The following SLC12A5 variants were observed in gnomAD, a reference collection of about 807,000 sequenced individuals.
The protein encoded by SLC12A5 is solute carrier family 12 member 5, also known as K-Cl cotransporter 2.
In SLC12A5, 18 loss-of-function variants were observed where a neutral mutation model predicts 124.0. The ratio of observed to expected loss-of-function variants is 0.15; its 90% CI spans 0.10 to 0.22. The LOEUF (loss-of-function observed/expected upper bound fraction) is 0.22. Ranked by LOEUF, SLC12A5 falls within the 10% of genes least tolerant of loss-of-function variation. The pLI is 1.00. For missense variants in SLC12A5, 867 were observed against 1,478.7 expected (o/e 0.59, Z 6.78); for synonymous variants, 589 against 568.0 (o/e 1.04, Z -0.53).
intron 17 of SLC12A5, among the ~76,000 whole-genome samples, chr20:46,051,060 G>A (rs1194610111): frequency 6.6e-6 from 1 of 152,198 alleles, no homozygotes; most frequent in African/African-American, 2.4e-5. Flanking sequence ...TGGTGGTTAA[G>A]AGTGTGGGGG....
chr20:46,041,237 C>T, intron 7 of SLC12A5, 92 bp from the exon 8 acceptor site: 1 of 1,052,402 alleles, frequency 9.5e-7, no homozygotes, highest in Non-Finnish European at 1.4e-6. Flanking sequence ...GACCTGGCGT[C>T]CGTGTGTTTA....
chr20:46,053,751 C>T lies in SLC12A5; in HGVS notation c.2679+42C>T, dbSNP rs1273221818. ...CACCGCTGGGGTTCCACCTGGCCCT[C>T]TTTCCTCTTGGCCCCAGCACCAAGT... On this transcript the variant is annotated intron_variant, in intron 20 of 25. Transcript: ENST00000243964. This position sits in a 1 kb window ranked among gnomAD's most constrained non-coding sequence, Gnocchi z 4.7. 2 of 1,524,272 alleles carry T rather than the reference C, an allele frequency of 1.3e-6. No homozygotes were observed. Among genetic ancestry groups the T allele is most frequent in the Non-Finnish European group, 1.8e-6 (2 of 1,132,454 alleles). The allele number at this position is 1,524,272 out of a possible 1,614,324, so 94.4% of individuals were successfully genotyped here.
At position 46,032,060 on chromosome 20, in the gene SLC12A5, T is replaced by C. The variant is rs3859613; in HGVS notation, c.52+2664T>C. Among the ~76,000 whole-genome samples the C allele has an allele frequency of 5.3e-5, 8 of 152,114 alleles. No homozygotes were observed. In the South Asian group the frequency reaches 1.4e-3, roughly 28 times the overall value. ...CTACTGGAAAGGCGGGACCCAGAAC[T>C]AGCCTACCTAGCCGCCCTCTCCCCT... is the stretch of plus-strand genomic sequence containing the variant. On this transcript the variant is annotated intron_variant, in intron 1 of 25. Coordinates refer to ENST00000243964, the MANE Select transcript of SLC12A5 (RefSeq NM_020708.5).
At chr20:46,028,689 C>T (rs2084418525), upstream of SLC12A5, among the ~76,000 whole-genome samples, 1 of 152,146 alleles carries the variant, frequency 6.6e-6, no homozygotes, top group Admixed American at 6.5e-5. Flanking sequence ...GTTCTCCTCC[C>T]CCACTTCAGG....
rs779096129 is a variant in SLC12A5 at position 46,051,832 on chromosome 20, G to T, written c.2339G>T (p.Arg780Leu). 9 of 1,547,542 alleles carry T rather than the reference G, an allele frequency of 5.8e-6. No homozygotes were observed. The highest frequency in any genetic ancestry group is 3.4e-5 in the South Asian group (3 of 87,166). ...CTTGTTGGCTGGCCCCGCAACTGGCGCCAGAAGGAAGATCATCAGACGTGG... is the reference window on the plus strand; with the variant it reads ...CTTGTTGGCTGGCCCCGCAACTGGCTCCAGAAGGAAGATCATCAGACGTGG... ...TVLVGWPRNWRQKEDHQTWRN... is the reference protein window; with the variant it reads ...TVLVGWPRNWLQKEDHQTWRN... Residue 780 changes from arginine to leucine, a missense_variant, in exon 18 of 26, where the codon CGC becomes CTC. Coordinates refer to ENST00000243964, the MANE Select transcript of SLC12A5 (RefSeq NM_020708.5).
At position 46,056,699 on chromosome 20, in the gene SLC12A5, C is replaced by T. The variant is rs138012632; in HGVS notation, c.3110+135C>T. ...AGCTCAGACATTGTCTTGGTTTCTC[C>T]ATCTGAGGACTTAGGGGGTTGGGCC... On this transcript the variant is annotated intron_variant, in intron 23 of 25. Coordinates refer to ENST00000243964, the MANE Select transcript of SLC12A5 (RefSeq NM_020708.5). This position sits in a 1 kb window ranked among gnomAD's most constrained non-coding sequence, Gnocchi z 4.3. 6.1e-6 allele frequency: 7 copies of T among 1,146,474 alleles called. No homozygotes were observed. Among genetic ancestry groups the T allele is most frequent in the East Asian group, 2.5e-5 (1 of 40,510 alleles). The allele number at this position is 1,146,474 out of a possible 1,614,324, so 71.0% of individuals were successfully genotyped here.
At chr20:46,035,682 G>A (rs2084491959) in intron 3 of SLC12A5, 95 bp from the exon 4 acceptor site, 2 of 1,510,704 alleles carry the variant, frequency 1.3e-6, no homozygotes, top group Non-Finnish European at 1.8e-6. Flanking sequence ...ATAGAGAGAA[G>A]AGGAAGGTGG....
rs766589514 is a variant in SLC12A5 at position 46,049,626 on chromosome 20, C to G, written c.2017C>G (p.Gln673Glu). ...GPPHTKNWRP[Q>E]LLVLVRVDQD... ...GTGACTCTGCACACTCTTCAGGCCA[C>G]AGCTGCTGGTGCTGGTGCGTGTGGA... Residue 673 changes from glutamine to glutamate, a missense_variant, in exon 17 of 26, where the codon CAG becomes GAG. Physicochemically the swap from Gln to Glu is conservative, Grantham distance 29. Coordinates refer to ENST00000243964, the MANE Select transcript of SLC12A5 (RefSeq NM_020708.5). 5.6e-6 allele frequency: 9 copies of G among 1,601,492 alleles called. No homozygotes were observed. The highest frequency in any genetic ancestry group is 6.8e-6 in the Non-Finnish European group (8 of 1,174,216).
chr20:46,042,351 A>AGAGAG (rs887953733), intron 8 of SLC12A5, among the ~76,000 whole-genome samples: 1 of 152,114 alleles, frequency 6.6e-6, no homozygotes, highest in African/African-American at 2.4e-5. Context: ...GGGTGAGAGG[A>AGAGAG]GAGAGGCAGG....
At position 46,058,572 on chromosome 20, in the gene SLC12A5, C is replaced by T; in HGVS notation, c.*967C>T. 2.5e-6 allele frequency: 1 copy of T among 399,190 alleles called. No homozygotes were observed. The highest frequency in any genetic ancestry group is 4.4e-6 in the Non-Finnish European group (1 of 226,196). 24.7% of individuals were successfully genotyped at this position (399,190 alleles called of 1,614,324 possible). The stretch of plus-strand genomic sequence containing the variant: ...CTCAAGAGGAAGAAACCGAGAGGCC[C>T]GCGCCCCACCGAGGAAGCCCCGCCC... On this transcript the variant is annotated 3_prime_UTR_variant, in exon 26 of 26. Coordinates refer to ENST00000243964, the MANE Select transcript of SLC12A5 (RefSeq NM_020708.5). This position sits in a 1 kb window ranked among gnomAD's most constrained non-coding sequence, Gnocchi z 5.8.
intron 1 of SLC12A5, chr20:46,022,097 G>A: frequency 1.8e-6 from 1 of 553,666 alleles, no homozygotes; most frequent in South Asian, 3.2e-5. Flanking sequence ...CCAAACGCGA[G>A]GTGGGCGTGG....
chr20:46,052,669 G>T (rs1343994706), intron 18 of SLC12A5, among the ~76,000 whole-genome samples: 1 of 152,234 alleles, frequency 6.6e-6, no homozygotes, highest in African/African-American at 2.4e-5. Flanking sequence ...ATTCAGTGTG[G>T]TCATACATGA....
chr20:46,026,089 C>T (rs2084396169), upstream of SLC12A5, among the ~76,000 whole-genome samples: 1 of 152,180 alleles, frequency 6.6e-6, no homozygotes, highest in African/African-American at 2.4e-5. Flanking sequence ...AAGTTCACCC[C>T]ATGAAGAAAA....
At chr20:46,031,285 C>A (rs1174976456) in intron 1 of SLC12A5, among the ~76,000 whole-genome samples, 2 of 152,192 alleles carry the variant, frequency 1.3e-5, no homozygotes. Context: ...CTGAGTGCAG[C>A]GGACCCATCT....
chr20:46,028,918 C>T (rs749108602), upstream of SLC12A5: 4 of 169,790 alleles, frequency 2.4e-5, no homozygotes, highest in South Asian at 1.8e-4. Context: ...GGGCCCCGCC[C>T]GGAGAGTGGG....
At chr20:46,029,796 G>A (rs2084429822) in intron 1 of SLC12A5, among the ~76,000 whole-genome samples, 1 of 152,184 alleles carries the variant, frequency 6.6e-6, no homozygotes, top group Admixed American at 6.5e-5. Context: ...GGAGCCGGGG[G>A]GCGCAGTCTG....
At chr20:46,052,095 G>A (rs1257258533) in intron 18 of SLC12A5, among the ~76,000 whole-genome samples, 4 of 152,180 alleles carry the variant, frequency 2.6e-5, no homozygotes, top group East Asian at 1.9e-4. Flanking sequence ...CTCCTGCAGC[G>A]CTCACAGGCC....
intron 9 of SLC12A5, 144 bp downstream of exon 9, chr20:46,043,467 G>A: frequency 7.9e-7 from 1 of 1,263,500 alleles, no homozygotes; most frequent in Non-Finnish European, 1.1e-6. Context: ...AGAGATGAGG[G>A]AATTAAGGCC....
Position 46,021,896 on chromosome 20 carries a change from G to T in SLC12A5, c.48+10G>T, listed in dbSNP as rs760437505. 2.6e-5 allele frequency: 39 copies of T among 1,519,326 alleles called. 1 individual carries two copies. In the South Asian group the frequency reaches 4.5e-4, roughly 17 times the overall value. The allele number at this position is 1,519,326 out of a possible 1,614,324, so 94.1% of individuals were successfully genotyped here. A position where few individuals can be genotyped will look rare whatever the true frequency, so the allele number is the denominator to read the frequency against. On this transcript the variant is annotated intron_variant, in intron 1 of 2. Coordinates refer to the SLC12A5 transcript ENST00000413737. The stretch of plus-strand genomic sequence containing the variant: ...GGGGAAGACGTCAAAGGTAGAGGCC[G>T]CAGGGGGCGGGGCCTGCCAGGGCCG...
Sources: allele counts gnomAD v4.1 joint callset (sites outside exome capture counted in the v4.1 genomes callset), GRCh38; gene constraint gnomAD v4.1.1; non-coding constraint Gnocchi (gnomAD v3.1); transcripts MANE v1.5; gene names NCBI Gene and HGNC (gene_info 2026-07-23, HGNC 2026-07-21).